SNTG1: variants seen among roughly 807,000 people sequenced by gnomAD.
The protein encoded by SNTG1 is syntrophin gamma 1.
SNTG1 carries 39 observed loss-of-function variants against 74.7 expected under a neutral mutation model. That is an observed-to-expected ratio of 0.52 (90% CI 0.40 to 0.68). SNTG1 has a LOEUF of 0.68. Among genes scored for constraint, SNTG1 ranks in the 30% least tolerant of loss-of-function variants. SNTG1 has a pLI of 0.00. For missense variants in SNTG1, 685 were observed against 609.5 expected (o/e 1.12, Z -1.30); for synonymous variants, 254 against 217.1 (o/e 1.17, Z -1.49).
At chr8:50,741,097 G>A (rs1293939915) in intron 17 of SNTG1, among the ~76,000 whole-genome samples, 1 of 151,936 alleles carries the variant, frequency 6.6e-6, no homozygotes, top group Non-Finnish European at 1.5e-5. Flanking sequence ...CATGATGTAA[G>A]TTTACCCACA....
intron 13 of SNTG1, among the ~76,000 whole-genome samples, chr8:50,606,872 C>T (rs1009747945): frequency 3.3e-5 from 5 of 151,564 alleles, no homozygotes; most frequent in Non-Finnish European, 7.4e-5. Flanking sequence ...ATGCTATGTT[C>T]TATTAATGTA....
intron 4 of SNTG1, among the ~76,000 whole-genome samples, chr8:50,434,600 A>G (rs1302341212): frequency 3.3e-5 from 5 of 152,138 alleles, no homozygotes; most frequent in Non-Finnish European, 5.9e-5. Context: ...GTGAGATGGT[A>G]TATCATTGTG....
chr8:49,984,013 T>C (rs1305820648), intron 1 of SNTG1, among the ~76,000 whole-genome samples: 1 of 152,182 alleles, frequency 6.6e-6, no homozygotes, highest in African/African-American at 2.4e-5. Context: ...CTGTATTTCT[T>C]ACTATCCATT....
intron 1 of SNTG1, among the ~76,000 whole-genome samples, chr8:49,970,238 G>A (rs79744335): frequency 0.049 from 7,385 of 152,056 alleles, 603 homozygotes; most frequent in African/African-American, 0.16. Context: ...AGATCATCAC[G>A]AGGAAATTTC....
intron 4 of SNTG1, among the ~76,000 whole-genome samples, chr8:50,436,607 A>G (rs998363125): frequency 1.3e-5 from 2 of 152,162 alleles, no homozygotes; most frequent in Non-Finnish European, 2.9e-5. Context: ...AATTTGCTGA[A>G]TGGATGAAGT....
intron 2 of SNTG1, among the ~76,000 whole-genome samples, chr8:50,315,742 A>T (rs2090291800): frequency 6.6e-6 from 1 of 152,050 alleles, no homozygotes; most frequent in African/African-American, 2.4e-5. Flanking sequence ...AAACCATTGA[A>T]AAGAAAAACA....
intron 5 of SNTG1, among the ~76,000 whole-genome samples, chr8:50,441,520 C>G (rs2093357502): frequency 6.6e-6 from 1 of 152,020 alleles, no homozygotes; most frequent in Admixed American, 6.6e-5. Context: ...TCAAAAATTC[C>G]TGAAATCCCA....
intron 13 of SNTG1, among the ~76,000 whole-genome samples, chr8:50,596,945 C>T (rs1352560911): frequency 6.6e-6 from 1 of 151,834 alleles, no homozygotes; most frequent in Non-Finnish European, 1.5e-5. Context: ...TCTAGCTATG[C>T]TGAAGTTTAC....
At chr8:50,115,400 CTACAAAAA>C (rs1453193933) in intron 1 of SNTG1, among the ~76,000 whole-genome samples, 1 of 151,514 alleles carries the variant, frequency 6.6e-6, no homozygotes, top group African/African-American at 2.4e-5. Flanking sequence ...AACCCCGTCT[CTACAAAAA>C]TACAAAAATT....
At chr8:50,603,611 T>G (rs894060223) in intron 13 of SNTG1, among the ~76,000 whole-genome samples, 3 of 152,074 alleles carry the variant, frequency 2.0e-5, no homozygotes, top group African/African-American at 4.8e-5. Context: ...TTTGGATATT[T>G]ATTGTAGTCC....
intron 1 of SNTG1, among the ~76,000 whole-genome samples, chr8:50,133,141 C>A (rs1470829427): frequency 2.0e-5 from 3 of 152,256 alleles, no homozygotes; most frequent in South Asian, 2.1e-4. Flanking sequence ...TGGAAATAAC[C>A]TCAGCTAAAT....
chr8:50,341,345 T>C (rs902104435), intron 2 of SNTG1, among the ~76,000 whole-genome samples: 7 of 152,110 alleles, frequency 4.6e-5, no homozygotes, highest in Admixed American at 3.9e-4. Context: ...TTTCTCTGCT[T>C]GTTCCACAAA....
intron 2 of SNTG1, among the ~76,000 whole-genome samples, chr8:50,327,045 T>G (rs2090777514): frequency 6.6e-6 from 1 of 152,162 alleles, no homozygotes; most frequent in Non-Finnish European, 1.5e-5. Flanking sequence ...TCCATTGTAG[T>G]GTGAGAGCAT....
At chr8:50,307,693 C>T (rs1192876784) in intron 2 of SNTG1, among the ~76,000 whole-genome samples, 1 of 152,062 alleles carries the variant, frequency 6.6e-6, no homozygotes, top group East Asian at 1.9e-4. Context: ...TGGGCATGTC[C>T]TATGCTAATG....
intron 1 of SNTG1, among the ~76,000 whole-genome samples, chr8:50,026,360 G>A (rs1817262510): frequency 6.6e-6 from 1 of 152,138 alleles, no homozygotes; most frequent in South Asian, 2.1e-4. Context: ...CTAGTTAAGT[G>A]AATGTGCACA....
rs1025484548 is a variant in SNTG1 at position 50,619,665 on chromosome 8, A to G, written c.849+28748A>G. On this transcript the variant is annotated intron_variant, in intron 13 of 18. Transcript: ENST00000642720. ...AGAATGGCATGAACCCGGGAGGCGG[A>G]GGTTGCAGTGAGCCGAGATCGTGCC... Among the ~76,000 whole-genome samples the G allele has an allele frequency of 4.9e-5, 7 of 143,334 alleles. No homozygotes were observed. The South Asian group carries it at 1.4e-3, about 29-fold the overall frequency. The allele number at this position is 143,334 out of a possible 152,430, so 94.0% of individuals were successfully genotyped here.
At chr8:50,741,717 T>C (rs1032859054) in intron 17 of SNTG1, among the ~76,000 whole-genome samples, 17 of 151,980 alleles carry the variant, frequency 1.1e-4, no homozygotes, top group African/African-American at 3.4e-4. Context: ...AGCCATGAAA[T>C]GGCATGATGG....
At chr8:50,146,386 C>T (rs1000133872) in intron 1 of SNTG1, among the ~76,000 whole-genome samples, 5 of 152,018 alleles carry the variant, frequency 3.3e-5, no homozygotes, top group African/African-American at 7.2e-5. Flanking sequence ...GGCGTGGTGG[C>T]GCATGCCTTT....
chr8:50,767,744 C>T (rs1414138796), intron 18 of SNTG1, among the ~76,000 whole-genome samples: 5 of 151,930 alleles, frequency 3.3e-5, no homozygotes, highest in Non-Finnish European at 7.4e-5. Context: ...ACTAAACATT[C>T]TGAGTCACAA....
Sources: allele counts gnomAD v4.1 joint callset (sites outside exome capture counted in the v4.1 genomes callset), GRCh38; gene constraint gnomAD v4.1.1; transcripts MANE v1.5; gene names NCBI Gene and HGNC (gene_info 2026-07-23, HGNC 2026-07-21).